Variants in EDRF1 observed in about 807,000 individuals in gnomAD.
The protein encoded by EDRF1 is erythroid differentiation-related factor 1.
In EDRF1, 69 loss-of-function variants were observed where a neutral mutation model predicts 148.7. The ratio of observed to expected loss-of-function variants is 0.46; its 90% confidence interval spans 0.38 to 0.57. EDRF1 has a LOEUF of 0.57. EDRF1 is among the 20% of genes least tolerant of loss of function. EDRF1 has a pLI of 0.00. For synonymous variants in EDRF1, 515 were observed against 532.8 expected, an observed-to-expected ratio of 0.97 and a Z score of 0.46; for missense variants, 1,118 against 1,478.7, an observed-to-expected ratio of 0.76 and a Z score of 4.00.
chr10:125,727,784 G>A (rs780358256), intron 6 of EDRF1, among the ~76,000 whole-genome samples: 1 of 152,160 alleles, frequency 6.6e-6, no homozygotes, highest in Non-Finnish European at 1.5e-5. Context: ...TTCTGTTGAG[G>A]CAATGACATT....
intron 20 of EDRF1, 30 bp downstream of exon 20, chr10:125,747,724 G>A (rs752063379): frequency 3.1e-6 from 5 of 1,613,392 alleles, no homozygotes; most frequent in Non-Finnish European, 4.2e-6. Context: ...TATAAAATAA[G>A]TTCTCAATCT....
In EDRF1 at chr10:125,723,144, A is replaced by C. The variant is rs948180752; in HGVS notation, c.384+10A>C. The C allele has an allele frequency of 6.2e-7, 1 of 1,612,350 alleles. No individual in the cohort carries two copies. Among genetic ancestry groups the C allele is most frequent in the Admixed American group, 1.7e-5 (1 of 60,010 alleles). ...TGTCTCTGACTCTGAAGTAAGTGTT[A>C]TTTGTCGCTTAATGTAATTTTGGAG... On this transcript the variant is annotated intron_variant, in intron 3 of 24. Transcript: ENST00000356792.
rs1278827066 is a variant in EDRF1, at chr10:125,729,468, C to T, written c.1005C>T (p.Ser335=). 7 of 1,614,078 alleles carry T rather than the reference C, an allele frequency of 4.3e-6. No individual in the cohort carries two copies. The highest frequency in any genetic ancestry group is 5.9e-6 in the Non-Finnish European group (7 of 1,180,038). The part of the protein sequence containing the change: ...IFGGGRYPAV[S]LRLRDNNKPI... ...GAGGAGGCAGATACCCAGCAGTCAG[C>T]TTACGTCTCAGGTGAACTAACATCA... The change falls in exon 8 of 25, where the codon AGC becomes AGT. Residue 335 remains serine, a synonymous_variant. Coordinates refer to ENST00000356792, the MANE Select transcript of EDRF1 (RefSeq NM_001202438.2).
chr10:125,740,107 AG>A (rs1222683651), intron 15 of EDRF1, among the ~76,000 whole-genome samples: 1 of 152,346 alleles, frequency 6.6e-6, no homozygotes, highest in East Asian at 1.9e-4. Context: ...TTCATGTTTG[AG>A]GACAGGCTTT....
At chr10:125,759,467 A>G (rs1358106488) in intron 24 of EDRF1, among the ~76,000 whole-genome samples, 2 of 152,068 alleles carry the variant, frequency 1.3e-5, no homozygotes, top group African/African-American at 4.8e-5. Context: ...AACTTCTTTC[A>G]ATAATTGCCT....
At chr10:125,762,423 A>G (rs1850234587) in intron 24 of EDRF1, among the ~76,000 whole-genome samples, 1 of 152,104 alleles carries the variant, frequency 6.6e-6, no homozygotes, top group Non-Finnish European at 1.5e-5. Context: ...TGGACACTGA[A>G]AAGAGTTGTG....
At chr10:125,756,712 C>CT in intron 24 of EDRF1, 1 of 350,026 alleles carries the variant, frequency 2.9e-6, no homozygotes, top group Non-Finnish European at 5.4e-6. Flanking sequence ...ACTCAACGTT[C>CT]TTTTGGTTAA....
At chr10:125,762,928 A>C (rs1267515661) in intron 24 of EDRF1, among the ~76,000 whole-genome samples, 1 of 151,948 alleles carries the variant, frequency 6.6e-6, no homozygotes, top group African/African-American at 2.4e-5. Context: ...TCTCTTGTTT[A>C]CTATGGTTTC....
At position 125,730,426 on chromosome 10, in the gene EDRF1, C is replaced by G. The variant is rs1268146382; in HGVS notation, c.1128+27C>G. ...TAAGATACAGTGTGATTTTTCTGATCTCTCAAATGCAAATTGGTACAGAGA... is the reference window on the plus strand; with the variant it reads ...TAAGATACAGTGTGATTTTTCTGATGTCTCAAATGCAAATTGGTACAGAGA... On this transcript the variant is annotated intron_variant, in intron 9 of 24. Transcript: ENST00000356792. The G allele has an allele frequency of 3.2e-6, 5 of 1,560,384 alleles. No homozygotes were observed. In the African/African-American group the frequency reaches 6.8e-5, roughly 21 times the overall value.
At chr10:125,746,447 G>T (rs1211567541) in intron 19 of EDRF1, among the ~76,000 whole-genome samples, 2 of 152,098 alleles carry the variant, frequency 1.3e-5, no homozygotes, top group Non-Finnish European at 2.9e-5. Flanking sequence ...TACTCTTGCT[G>T]TATAAAATAA....
In EDRF1 at chr10:125,735,835, A is replaced by G; in HGVS notation, c.1689A>G (p.Ala563=). The change falls in exon 13 of 25, where the codon GCA becomes GCG. Residue 563 remains alanine, a synonymous_variant. Coordinates refer to ENST00000356792, the MANE Select transcript of EDRF1 (RefSeq NM_001202438.2). The stretch of plus-strand genomic sequence containing the variant: ...CTGATCCATCAGATGATAGCAAAGC[A>G]GTAGCTATAATCAAGTCTGTTGGAG... ...TSSDPSDDSK[A]VAIIKSVGEL... 1.9e-6 allele frequency: 3 copies of G among 1,612,988 alleles called. No homozygotes were observed. The highest frequency in any genetic ancestry group is 1.7e-6 in the Non-Finnish European group (2 of 1,179,064).
intron 8 of EDRF1, 61 bp downstream of exon 8, chr10:125,729,540 G>A: frequency 6.2e-7 from 1 of 1,606,118 alleles, no homozygotes; most frequent in Non-Finnish European, 8.5e-7. Context: ...TTTAGAATCA[G>A]TGTTCCATCA....
At chr10:125,742,265 T>C (rs1363333411) in intron 17 of EDRF1, 3 of 1,289,344 alleles carry the variant, frequency 2.3e-6, no homozygotes, top group South Asian at 2.5e-5. Flanking sequence ...AGCAGCGATA[T>C]CCCTCCCTCT....
At chr10:125,724,704 C>T (rs183964341) in intron 4 of EDRF1, among the ~76,000 whole-genome samples, 1 of 152,182 alleles carries the variant, frequency 6.6e-6, no homozygotes, top group African/African-American at 2.4e-5. Flanking sequence ...GTTTTTCCCA[C>T]ATGTTGAGAA....
At chr10:125,723,246 G>A (rs1848090212) in intron 3 of EDRF1, 112 bp downstream of exon 3, 6 of 966,364 alleles carry the variant, frequency 6.2e-6, no homozygotes, top group Non-Finnish European at 1.0e-5. Flanking sequence ...AATTAGTGAT[G>A]AAATAAGATA....
chr10:125,742,952 ATATTGCATTTTT>A, intron 17 of EDRF1, 94 bp from the exon 18 acceptor site: 1 of 1,517,116 alleles, frequency 6.6e-7, no homozygotes, highest in Non-Finnish European at 8.9e-7. Flanking sequence ...TACTTACACT[ATATTGCATTTTT>A]TATTACTTAG....
At chr10:125,730,859 G>C (rs1443346822) in intron 9 of EDRF1, among the ~76,000 whole-genome samples, 2 of 152,170 alleles carry the variant, frequency 1.3e-5, no homozygotes. Flanking sequence ...AGTGTTGGGG[G>C]AAGCTAGGCG....
rs1214822955 is a variant in EDRF1, at chr10:125,734,299, AGCC to A, written c.1497+117_1497+119del. ...CCGTAACTGCCCTATTCAGTGTGGT[AGCC>A]ATTAGCACATGTGGCTGTTGATCAC... is the stretch of plus-strand genomic sequence containing the variant. On this transcript the variant is annotated intron_variant, in intron 12 of 24. Transcript: ENST00000356792. 189 of 791,594 alleles carry A rather than the reference AGCC, an allele frequency of 2.4e-4. 2 individuals carry two copies. Among genetic ancestry groups the A allele is most frequent in the Non-Finnish European group, 5.1e-5 (23 of 450,850 alleles). The allele number at this position is 791,594 out of a possible 1,614,324, so 49.0% of individuals were successfully genotyped here. A position where few individuals can be genotyped will look rare whatever the true frequency, so the allele number is the denominator to read the frequency against.
intron 6 of EDRF1, among the ~76,000 whole-genome samples, chr10:125,727,391 A>G (rs1239143471): frequency 6.6e-6 from 1 of 152,254 alleles, no homozygotes; most frequent in Non-Finnish European, 1.5e-5. Flanking sequence ...TCCAAAAACT[A>G]AAACTGCTGG....
Sources: allele counts gnomAD v4.1 joint callset (sites outside exome capture counted in the v4.1 genomes callset), GRCh38; gene constraint gnomAD v4.1.1; transcripts MANE v1.5; gene names NCBI Gene and HGNC (gene_info 2026-07-23, HGNC 2026-07-21).